The following ARID5B variants were observed in gnomAD, a reference collection of about 807,000 sequenced individuals.
ARID5B encodes AT-rich interactive domain-containing protein 5B.
Under a neutral mutation model 97.2 loss-of-function variants are expected in ARID5B, and 13 were observed. The observed-to-expected ratio is 0.13, with a 90% confidence interval of 0.09 to 0.21. The LOEUF is 0.21. ARID5B is among the 10% of genes least tolerant of loss of function. ARID5B has a pLI of 1.00. For synonymous variants in ARID5B, 556 were observed against 570.3 expected (o/e 0.97, Z 0.36); for missense variants, 1,210 against 1,465.3 (o/e 0.83, Z 2.84).
At chr10:62,074,097 C>T (rs372847862) in intron 8 of ARID5B, among the ~76,000 whole-genome samples, 49 of 152,308 alleles carry the variant, frequency 3.2e-4, no homozygotes, top group African/African-American at 1.1e-3. Context: ...AAAATCTTTA[C>T]TCAGAATGCT....
intron 4 of ARID5B, chr10:62,049,103 C>A: frequency 9.2e-7 from 1 of 1,086,038 alleles, no homozygotes; most frequent in Non-Finnish European, 1.1e-6. Context: ...CGGACCGTGT[C>A]AAATTCATGG....
chr10:61,938,934 C>T (rs1308131875), intron 2 of ARID5B, among the ~76,000 whole-genome samples: 1 of 146,782 alleles, frequency 6.8e-6, no homozygotes, highest in East Asian at 2.0e-4. Flanking sequence ...GAAGCTTACC[C>T]TAATAACCTT....
At position 62,092,383 on chromosome 10, in the gene ARID5B, A is replaced by G. The variant is rs371725043; in HGVS notation, c.2920A>G (p.Arg974Gly). 1.9e-6 allele frequency: 3 copies of G among 1,614,226 alleles called. No individual in the cohort carries two copies. In the Admixed American group the frequency reaches 5.0e-5, roughly 27 times the overall value. ...TAAAAAATACCCTGAATCGCTTTCAAGATCAGGAAAACCTCACCATGTGAG... is the reference window on the plus strand; with the variant it reads ...TAAAAAATACCCTGAATCGCTTTCAGGATCAGGAAAACCTCACCATGTGAG... Reference protein sequence around the residue: ...GPKKYPESLSRSGKPHHVRLE... With the variant: ...GPKKYPESLSGSGKPHHVRLE... Residue 974 changes from arginine to glycine, a missense_variant, in exon 10 of 10, where the codon AGA (arginine) becomes GGA (glycine). By Grantham distance (125) the Arg-to-Gly change is moderately radical. Around this residue, in one of 8 missense-constraint regions of ARID5B, gnomAD observed 800 missense variants for 839.1 expected, o/e 0.95. Transcript: ENST00000279873.
intron 2 of ARID5B, among the ~76,000 whole-genome samples, chr10:61,912,120 A>G (rs1479567566): frequency 6.6e-6 from 1 of 152,248 alleles, no homozygotes; most frequent in African/African-American, 2.4e-5. Context: ...TTATTTACAG[A>G]TATTTGCTAA....
intron 2 of ARID5B, among the ~76,000 whole-genome samples, chr10:61,905,356 G>A (rs1383954271): frequency 1.3e-5 from 2 of 151,740 alleles, no homozygotes; most frequent in African/African-American, 2.4e-5. Context: ...TTCTTGAAAT[G>A]TAAAGACGTC....
chr10:62,032,579 G>C (rs533863998), intron 4 of ARID5B, among the ~76,000 whole-genome samples: 2 of 152,098 alleles, frequency 1.3e-5, no homozygotes, highest in Admixed American at 6.5e-5. Context: ...GCCGGGCGTG[G>C]TGATGGGCGC....
chr10:62,024,261 A>G (rs927245301), intron 4 of ARID5B, among the ~76,000 whole-genome samples: 1 of 152,244 alleles, frequency 6.6e-6, no homozygotes, highest in African/African-American at 2.4e-5. Context: ...GCAAGTAAAT[A>G]GATACATTTA....
Position 61,901,705 on chromosome 10 carries a change from T to G in ARID5B, c.-5T>G, listed in dbSNP as rs1843616201. 8 of 1,613,956 alleles carry G rather than the reference T, an allele frequency of 5.0e-6. No individual in the cohort carries two copies. Among genetic ancestry groups the G allele is most frequent in the Non-Finnish European group, 5.9e-6 (7 of 1,179,970 alleles). On this transcript the variant is annotated 5_prime_UTR_variant, in exon 1 of 10. Coordinates refer to ENST00000279873, the MANE Select transcript of ARID5B (RefSeq NM_032199.3). ...TGTTGAGTTCAATCAATTCAGAACG[T>G]CGAGATGGAGCCCAACTCACTCCAG...
chr10:61,989,273 A>G (rs990855473), intron 3 of ARID5B, among the ~76,000 whole-genome samples: 3 of 152,184 alleles, frequency 2.0e-5, no homozygotes, highest in Non-Finnish European at 4.4e-5. Context: ...TATTTTGGAT[A>G]TACTGGGTTA....
chr10:61,996,840 G>T (rs1218184879), intron 3 of ARID5B, among the ~76,000 whole-genome samples: 1 of 150,908 alleles, frequency 6.6e-6, no homozygotes, highest in Non-Finnish European at 1.5e-5. Context: ...TCTATGTACT[G>T]GGGGGTTAGG....
intron 3 of ARID5B, among the ~76,000 whole-genome samples, chr10:61,953,185 A>G (rs1023262060): frequency 2.6e-5 from 4 of 152,180 alleles, no homozygotes; most frequent in Non-Finnish European, 4.4e-5. Flanking sequence ...CCAACTACTC[A>G]TTCTACAACT....
chr10:61,987,028 A>C (rs1589247278), intron 3 of ARID5B, among the ~76,000 whole-genome samples: 1 of 152,214 alleles, frequency 6.6e-6, no homozygotes, highest in Non-Finnish European at 1.5e-5. Flanking sequence ...CAAGAGGAAG[A>C]CATAGTGCTA....
chr10:61,948,400 T>TTTTTTA (rs60287429), intron 3 of ARID5B, among the ~76,000 whole-genome samples: 1 of 147,672 alleles, frequency 6.8e-6, no homozygotes, highest in African/African-American at 2.5e-5. Flanking sequence ...TTTTTTTTTT[T>TTTTTTA]GAGATGGAGT....
intron 3 of ARID5B, among the ~76,000 whole-genome samples, chr10:61,981,274 T>C (rs1262967752): frequency 2.6e-5 from 4 of 151,952 alleles, no homozygotes; most frequent in African/African-American, 9.7e-5. Context: ...GTGGGTAGCC[T>C]GAGTTTTGTT....
intron 3 of ARID5B, among the ~76,000 whole-genome samples, chr10:61,965,061 T>A (rs1838523548): frequency 6.6e-6 from 1 of 152,196 alleles, no homozygotes; most frequent in Non-Finnish European, 1.5e-5. Flanking sequence ...ATGAATGTAC[T>A]TTTGTTAGTC....
intron 2 of ARID5B, among the ~76,000 whole-genome samples, chr10:61,913,295 C>T (rs1026622915): frequency 1.3e-5 from 2 of 152,186 alleles, no homozygotes; most frequent in Non-Finnish European, 2.9e-5. Context: ...CTTAAAGTCC[C>T]TTGGTATTGT....
At chr10:61,934,352 G>A (rs1844261984) in intron 2 of ARID5B, among the ~76,000 whole-genome samples, 1 of 152,204 alleles carries the variant, frequency 6.6e-6, no homozygotes, top group Non-Finnish European at 1.5e-5. Flanking sequence ...GTAGTGCTTT[G>A]AATTTCCTTT....
At chr10:61,977,522 G>T (rs1423882711) in intron 3 of ARID5B, among the ~76,000 whole-genome samples, 2 of 152,152 alleles carry the variant, frequency 1.3e-5, no homozygotes, top group Non-Finnish European at 2.9e-5. Context: ...AGCACCTGTT[G>T]TTTCCTGACT....
chr10:61,919,194 C>A (rs1843966494), intron 2 of ARID5B, among the ~76,000 whole-genome samples: 1 of 152,184 alleles, frequency 6.6e-6, no homozygotes, highest in Admixed American at 6.5e-5. Context: ...CCTGCCCTTT[C>A]ATGATGCAAC....
Sources: gnomAD v4.1 joint callset for allele counts (sites outside exome capture counted in the v4.1 genomes callset) on GRCh38, gnomAD v4.1.1 for gene constraint, gnomAD v4.1.1 regional missense constraint, MANE v1.5 for transcripts, NCBI Gene and HGNC (gene_info 2026-07-23, HGNC 2026-07-21) for gene names.